DPP6: variants seen among roughly 807,000 people sequenced by gnomAD.
DPP6 encodes the protein A-type potassium channel modulatory protein DPP6.
In DPP6, 69 loss-of-function variants were observed where a neutral mutation model predicts 122.6. The observed-to-expected ratio is 0.56, with a 90% CI of 0.46 to 0.69. DPP6 has a LOEUF of 0.69. Ranked by LOEUF, DPP6 falls within the 30% of genes least tolerant of loss-of-function variation. DPP6 has a pLI of 0.00. For synonymous variants in DPP6, 418 were observed against 433.1 expected (o/e 0.97, Z 0.43); for missense variants, 928 against 1,116.9 (o/e 0.83, Z 2.41).
At chr7:153,852,794 C>G in the DPP6 span, among the ~76,000 whole-genome samples, 1 of 152,196 alleles carries the variant, frequency 6.6e-6, no homozygotes, top group East Asian at 1.9e-4. Flanking sequence ...CTGGTATTTT[C>G]TATTCTGCTC....
chr7:154,652,913 G>A (rs1386159980), intron 6 of DPP6, among the ~76,000 whole-genome samples: 2 of 152,270 alleles, frequency 1.3e-5, no homozygotes, highest in African/African-American at 4.8e-5. Context: ...AGGAAAGAAC[G>A]CTCTGAGTGG....
At chr7:153,867,065 G>T in the DPP6 span, among the ~76,000 whole-genome samples, 1 of 152,178 alleles carries the variant, frequency 6.6e-6, no homozygotes, top group African/African-American at 2.4e-5. Flanking sequence ...TTGTAGTATA[G>T]TTTGAAGTCA....
chr7:154,386,582 CT>C (rs1198880764), intron 1 of DPP6, among the ~76,000 whole-genome samples: 5 of 152,102 alleles, frequency 3.3e-5, no homozygotes, highest in African/African-American at 4.8e-5. Flanking sequence ...TGTCAGCTCA[CT>C]TCATGAATAT....
chr7:154,872,496 CTCTG>C (rs1804480996), intron 18 of DPP6, 124 bp from the exon 19 acceptor site: 5 of 1,409,934 alleles, frequency 3.5e-6, no homozygotes, highest in Non-Finnish European at 4.7e-6. Context: ...CTGGGCCAGT[CTCTG>C]TCTGTGGGCT....
the DPP6 span, among the ~76,000 whole-genome samples, chr7:153,750,132 A>G: frequency 6.6e-6 from 1 of 152,236 alleles, no homozygotes; most frequent in African/African-American, 2.4e-5. Context: ...CACTTGGCAG[A>G]TAAAGGAATT....
intron 5 of DPP6, among the ~76,000 whole-genome samples, chr7:154,589,975 CTCTTG>C (rs1260293515): frequency 6.6e-6 from 1 of 152,188 alleles, no homozygotes; most frequent in Non-Finnish European, 1.5e-5. Flanking sequence ...CTAGCTAATC[CTCTTG>C]TCTTCTTTAT....
intron 10 of DPP6, among the ~76,000 whole-genome samples, chr7:154,779,053 CACCATCACCA>C (rs1796819306): frequency 3.2e-4 from 1 of 3,124 alleles, no homozygotes; most frequent in Non-Finnish European, 6.8e-4. Context: ...CAACTACCCC[CACCATCACCA>C]CCATCACCTC....
At chr7:154,254,719 A>C (rs1291383782) in intron 1 of DPP6, among the ~76,000 whole-genome samples, 1 of 152,140 alleles carries the variant, frequency 6.6e-6, no homozygotes, top group Non-Finnish European at 1.5e-5. Flanking sequence ...AGGTTAGAGG[A>C]AATTGTCACA....
At chr7:154,098,081 T>A (rs191399529) in intron 1 of DPP6, among the ~76,000 whole-genome samples, 54 of 152,312 alleles carry the variant, frequency 3.5e-4, no homozygotes, top group African/African-American at 1.2e-3. Context: ...AAATCTCACC[T>A]TGAATTGTAG....
chr7:154,858,823 G>A (rs1046121385), intron 17 of DPP6, among the ~76,000 whole-genome samples: 1 of 152,306 alleles, frequency 6.6e-6, no homozygotes, highest in East Asian at 1.9e-4. Flanking sequence ...CCAGGCAGCA[G>A]TCTTTGGCTA....
chr7:154,658,655 T>C (rs571806218), intron 6 of DPP6, among the ~76,000 whole-genome samples: 3 of 151,476 alleles, frequency 2.0e-5, no homozygotes, highest in South Asian at 4.2e-4. Flanking sequence ...GGAGAGGGAG[T>C]GGGTGTGGGA....
the DPP6 span, among the ~76,000 whole-genome samples, chr7:153,797,765 G>C: frequency 6.6e-6 from 1 of 152,138 alleles, no homozygotes; most frequent in African/African-American, 2.4e-5. Context: ...CTTTCTTCCT[G>C]GCTTATAGGC....
At chr7:154,432,135 G>A (rs981962762) in intron 1 of DPP6, among the ~76,000 whole-genome samples, 5 of 152,194 alleles carry the variant, frequency 3.3e-5, no homozygotes, top group Non-Finnish European at 7.4e-5. Context: ...CACAGTACAA[G>A]TAGTTTAGCT....
chr7:154,527,971 G>T (rs1472262226), intron 3 of DPP6, among the ~76,000 whole-genome samples: 7 of 150,960 alleles, frequency 4.6e-5, no homozygotes, highest in African/African-American at 1.7e-4. Context: ...AAAATAATTT[G>T]TTATTGTTAT....
chr7:154,410,120 A>C (rs1459989138), intron 1 of DPP6, among the ~76,000 whole-genome samples: 1 of 152,188 alleles, frequency 6.6e-6, no homozygotes, highest in Non-Finnish European at 1.5e-5. Flanking sequence ...TTGCAAATCC[A>C]TTTCTTGAAG....
At chr7:154,127,674 C>CACACACACACACACAT (rs1244574560) in intron 1 of DPP6, among the ~76,000 whole-genome samples, 1 of 148,042 alleles carries the variant, frequency 6.8e-6, no homozygotes, top group African/African-American at 2.5e-5. Context: ...CACACACACA[C>CACACACACACACACAT]ACAAAACAGC....
At chr7:153,987,807 G>T (rs553023097) in intron 1 of DPP6, among the ~76,000 whole-genome samples, 2 of 152,108 alleles carry the variant, frequency 1.3e-5, no homozygotes, top group Non-Finnish European at 2.9e-5. Flanking sequence ...GTGTGTAAGT[G>T]CAGCATAAAT....
chr7:154,889,808 A>T (rs1231973262), intron 25 of DPP6: 1 of 467,934 alleles, frequency 2.1e-6, no homozygotes, highest in Non-Finnish European at 3.7e-6. Flanking sequence ...TCCTCCGGGC[A>T]GTGAGAAGAA....
At chr7:153,773,329 TA>T in the DPP6 span, among the ~76,000 whole-genome samples, 8,226 of 29,492 alleles carry the variant, frequency 0.28, 596 homozygotes, top group East Asian at 0.5. Flanking sequence ...TATATATATA[TA>T]TTTTTTTTTA....
Sources: allele counts gnomAD v4.1 joint callset (sites outside exome capture counted in the v4.1 genomes callset), GRCh38; gene constraint gnomAD v4.1.1; transcripts MANE v1.5; gene names NCBI Gene and HGNC (gene_info 2026-07-23, HGNC 2026-07-21).